Variants in FMNL3 observed in about 807,000 individuals in gnomAD.
FMNL3 encodes formin-like protein 3.
A neutral mutation model predicts 119.6 loss-of-function variants in FMNL3; 57 were observed. The ratio of observed to expected loss-of-function variants is 0.48; its 90% CI spans 0.39 to 0.59. The LOEUF is 0.59. Among genes scored for constraint, FMNL3 ranks in the 20% least tolerant of loss-of-function variants. The probability of loss-of-function intolerance (pLI) is 0.00; values close to 1 mark genes in which losing one functional copy is unlikely to be tolerated. For missense variants in FMNL3, 1,053 were observed against 1,323.5 expected (o/e 0.80, Z 3.17); for synonymous variants, 491 against 507.3 (o/e 0.97, Z 0.43).
chr12:49,641,885 T>G lies in FMNL3; in HGVS notation c.*3930A>C. On this transcript the variant is annotated 3_prime_UTR_variant, in exon 26 of 26. Coordinates refer to ENST00000335154, the MANE Select transcript of FMNL3 (RefSeq NM_175736.5). ...GGCCTCAGGCACGTGGTGCCCCTGCTTCATGCACTGCTGTACCCACAGGAC... is the reference window on the plus strand; with the variant it reads ...GGCCTCAGGCACGTGGTGCCCCTGCGTCATGCACTGCTGTACCCACAGGAC... 1.2e-6 allele frequency: 2 copies of G among 1,607,670 alleles called. No individual in the cohort carries two copies. Among genetic ancestry groups the G allele is most frequent in the Non-Finnish European group, 1.7e-6 (2 of 1,176,084 alleles).
rs192067688 is a variant in FMNL3 at position 49,653,396 on chromosome 12, A to G, written c.1222-69T>C. 145 of 1,516,400 alleles carry G rather than the reference A, an allele frequency of 9.6e-5. 1 individual carries two copies. The East Asian group carries it at 3.2e-3, about 34-fold the overall frequency. 93.9% of individuals were successfully genotyped at this position (1,516,400 alleles called of 1,614,324 possible). On this transcript the variant is annotated intron_variant, in intron 12 of 25. Coordinates refer to ENST00000335154, the MANE Select transcript of FMNL3 (RefSeq NM_175736.5). ...GGGCACTCAGCACAGCCTGAACCCT[A>G]GTCAAGACCTGAGTCGGACCCCTCA...
Position 49,666,178 on chromosome 12 carries a change from G to A in FMNL3, c.240C>T (p.His80=). 6.2e-7 allele frequency: 1 copy of A among 1,614,098 alleles called. No individual in the cohort carries two copies. Among genetic ancestry groups the A allele is most frequent in the Non-Finnish European group, 8.5e-7 (1 of 1,179,986 alleles). ...QERFQVKNPP[H]TYIQKLQSFL... is the part of the protein sequence containing the mutation. ...AGCTCTGGAGTTTCTGAATGTAAGT[G>A]TGGGGAGGATTCTTCACCTGGAATC... The change falls in exon 3 of 26, where the codon CAC becomes CAT. Residue 80 remains histidine (H), a synonymous_variant. Transcript: ENST00000335154.
Position 49,647,762 on chromosome 12 carries a change from T to C in FMNL3, c.2719A>G (p.Lys907Glu), listed in dbSNP as rs779100735. 17 of 1,614,048 alleles carry C rather than the reference T, an allele frequency of 1.1e-5. 1 individual carries two copies. In the South Asian group the frequency reaches 1.9e-4, roughly 18 times the overall value. ...AVVRYFGESPKTTPPSVFFPV... is the reference protein window; with the variant it reads ...AVVRYFGESPETTPPSVFFPV... The stretch of plus-strand genomic sequence containing the variant: ...AAGAATACAGAAGGAGGTGTAGTCT[T>C]GGGACTCTCGCCAAAGTAGCGCACA... Residue 907 changes from lysine to glutamate, a missense_variant, in exon 23 of 26, where the codon AAG (lysine) becomes GAG (glutamate). Lys to Glu is a moderately conservative substitution (Grantham distance 56). Transcript: ENST00000335154. The surrounding 1 kb of genome is among the most constrained non-coding windows in gnomAD (Gnocchi z 4.9).
At chr12:49,650,550 G>T in intron 17 of FMNL3, 126 bp downstream of exon 17, 1 of 1,069,214 alleles carries the variant, frequency 9.4e-7, no homozygotes, top group African/African-American at 1.6e-5. Flanking sequence ...CCAAGCCAGT[G>T]GATGACTAGG....
intron 17 of FMNL3, 148 bp downstream of exon 17, chr12:49,650,528 A>G (rs1943364063): frequency 4.6e-6 from 4 of 863,964 alleles, no homozygotes; most frequent in Admixed American, 4.8e-5. Flanking sequence ...GCACAGATGC[A>G]GTAAATTCTA....
rs763442569 is a variant in FMNL3, at chr12:49,650,732, G to A, written c.1944C>T (p.Ala648=). The change falls in exon 17 of 26, where the codon GCC becomes GCT. Residue 648 remains alanine (A), a synonymous_variant. Coordinates refer to ENST00000335154, the MANE Select transcript of FMNL3 (RefSeq NM_175736.5). ...AGCGGCCAGCCTTGCGTAGGGTGAT[G>A]GCCAGGTTCTTGGCACGATTGGCTT... is the stretch of plus-strand genomic sequence containing the variant. The part of the protein sequence containing the change: ...LLEANRAKNL[A]ITLRKAGRSA... The A allele has an allele frequency of 2.5e-6, 4 of 1,614,032 alleles. No homozygotes were observed. The African/African-American group carries it at 5.3e-5, about 22-fold the overall frequency.
Position 49,637,637 on chromosome 12 carries a change from T to A in FMNL3, c.*8178A>T. The stretch of plus-strand genomic sequence containing the variant: ...GGCCTGGCTTCCTGCCCTGCCAGCC[T>A]CTCTGCACCCCCTACTACCGGCTCC... On this transcript the variant is annotated 3_prime_UTR_variant, in exon 26 of 26. Transcript: ENST00000335154. 6.3e-7 allele frequency: 1 copy of A among 1,578,834 alleles called. No individual in the cohort carries two copies. Among genetic ancestry groups the A allele is most frequent in the Non-Finnish European group, 8.7e-7 (1 of 1,150,554 alleles).
rs1189056261 is a variant in FMNL3 at position 49,649,568 on chromosome 12, C to T, written c.2236-30G>A. ...AGGACAATATGAACACTGAAGTAAC[C>T]CCAGGCTGAGATGGGGTAAAGACAG... is the stretch of plus-strand genomic sequence containing the variant. On this transcript the variant is annotated intron_variant, in intron 18 of 25. Transcript: ENST00000335154. The surrounding 1 kb of genome is among the most constrained non-coding windows in gnomAD (Gnocchi z 5.6). 2 of 1,613,864 alleles carry T rather than the reference C, an allele frequency of 1.2e-6. No individual in the cohort carries two copies. Among genetic ancestry groups the T allele is most frequent in the African/African-American group, 2.7e-5 (2 of 74,908 alleles).
At chr12:49,697,858 GAA>G (rs374148740) in intron 1 of FMNL3, among the ~76,000 whole-genome samples, 27 of 143,658 alleles carry the variant, frequency 1.9e-4, no homozygotes, top group African/African-American at 6.8e-4. Context: ...TCGTGCAGCT[GAA>G]AAAAAAAAAG....
In FMNL3 at chr12:49,650,821, G is replaced by T; in HGVS notation, c.1855C>A (p.Leu619Ile). The change falls in exon 17 of 26, where the codon CTT becomes ATT. Residue 619 changes from leucine to isoleucine, a missense_variant. This residue lies in a region of FMNL3 where 445 missense variants were observed against 628.4 expected (regional missense o/e 0.71). Transcript: ENST00000335154. ...LFKTKAQGPA[L>I]DLICSKNKTA... The stretch of plus-strand genomic sequence containing the variant: ...TTGTTTTTGGAGCAGATGAGGTCAA[G>T]GGCAGGGCCCTGCGCTTTTGTCTTG... 6.2e-7 allele frequency: 1 copy of T among 1,614,208 alleles called. No individual in the cohort carries two copies. Among genetic ancestry groups the T allele is most frequent in the South Asian group, 1.1e-5 (1 of 91,088 alleles).
At chr12:49,677,433 G>A (rs1056377196) in intron 1 of FMNL3, among the ~76,000 whole-genome samples, 6 of 152,166 alleles carry the variant, frequency 3.9e-5, no homozygotes, top group African/African-American at 1.4e-4. Flanking sequence ...TTTAATCTCT[G>A]CAAGCCTCAG....
intron 1 of FMNL3, among the ~76,000 whole-genome samples, chr12:49,693,897 T>C (rs61710637): frequency 0.21 from 32,356 of 151,514 alleles, 5,784 homozygotes; most frequent in African/African-American, 0.5. Context: ...ATCTGCCCAT[T>C]TCGGCCTCCT....
intron 17 of FMNL3, among the ~76,000 whole-genome samples, chr12:49,650,280 G>A (rs576404156): frequency 4.6e-5 from 7 of 152,138 alleles, no homozygotes; most frequent in Non-Finnish European, 8.8e-5. Context: ...AAGGCACTAT[G>A]CTTCTCCCTC....
chr12:49,677,929 C>A (rs1944233913), intron 1 of FMNL3, among the ~76,000 whole-genome samples: 1 of 152,184 alleles, frequency 6.6e-6, no homozygotes, highest in South Asian at 2.1e-4. Context: ...GTGGCACGAT[C>A]TTGGCTCTCC....
intron 1 of FMNL3, among the ~76,000 whole-genome samples, chr12:49,669,010 T>C (rs1943967610): frequency 6.6e-6 from 1 of 152,110 alleles, no homozygotes; most frequent in Non-Finnish European, 1.5e-5. Flanking sequence ...TCAGTTTGCT[T>C]TTCCCCCATA....
rs1188039891 is a variant in FMNL3, at chr12:49,649,842, C to T, written c.2084G>A (p.Arg695Gln). The change falls in exon 18 of 26, where the codon CGG becomes CAG. Residue 695 changes from arginine to glutamine, a missense_variant. Arg to Gln is a conservative substitution (Grantham distance 43). Coordinates refer to ENST00000335154, the MANE Select transcript of FMNL3 (RefSeq NM_175736.5). This position sits in a 1 kb window ranked among gnomAD's most constrained non-coding sequence, Gnocchi z 5.6. The stretch of plus-strand genomic sequence containing the variant: ...GGGCTGCCGCTCCCGCTCATATTGC[C>T]GCAGCAGCTTTACCTCAGCCTCTGT... ...LPTEAEVKLL[R>Q]QYERERQPLE... 1.9e-6 allele frequency: 3 copies of T among 1,614,192 alleles called. No homozygotes were observed. Among genetic ancestry groups the T allele is most frequent in the Admixed American group, 1.7e-5 (1 of 60,036 alleles).
intron 5 of FMNL3, 42 bp downstream of exon 5, chr12:49,661,924 C>G: frequency 6.4e-7 from 1 of 1,559,280 alleles, no homozygotes; most frequent in Non-Finnish European, 8.8e-7. Flanking sequence ...ACTATGTCCT[C>G]CCCCAACTGG....
At chr12:49,677,728 CA>C (rs1335184784) in intron 1 of FMNL3, among the ~76,000 whole-genome samples, 3 of 152,160 alleles carry the variant, frequency 2.0e-5, no homozygotes, top group Non-Finnish European at 4.4e-5. Context: ...ACATGCAAAT[CA>C]GGGGTCAGTA....
At chr12:49,682,913 G>A (rs186356298) in intron 1 of FMNL3, among the ~76,000 whole-genome samples, 37 of 152,126 alleles carry the variant, frequency 2.4e-4, no homozygotes, top group Admixed American at 6.5e-4. Context: ...AGTGATCTGG[G>A]ACAATTCTAA....
Sources: gnomAD v4.1 joint callset for allele counts (sites outside exome capture counted in the v4.1 genomes callset) on GRCh38, gnomAD v4.1.1 for gene constraint, gnomAD v4.1.1 regional missense constraint, Gnocchi (gnomAD v3.1) non-coding constraint, MANE v1.5 for transcripts, NCBI Gene and HGNC (gene_info 2026-07-23, HGNC 2026-07-21) for gene names.